The following PRTG variants were observed in gnomAD, a reference collection of about 807,000 sequenced individuals.
PRTG encodes immunoglobulin superfamily, DCC subclass, member 5.
In PRTG, 67 loss-of-function variants were observed where a neutral mutation model predicts 122.5. That is an observed-to-expected ratio of 0.55 (90% CI 0.45 to 0.67). The LOEUF (loss-of-function observed/expected upper bound fraction) is 0.67. PRTG is among the 30% of genes least tolerant of loss of function. The pLI is 0.00. For synonymous variants in PRTG, 554 were observed against 501.1 expected, an observed-to-expected ratio of 1.11 and a Z score of -1.41; for missense variants, 1,435 against 1,415.4, an observed-to-expected ratio of 1.01 and a Z score of -0.22.
intron 11 of PRTG, among the ~76,000 whole-genome samples, chr15:55,671,093 T>G (rs148361775): frequency 3.3e-5 from 5 of 152,330 alleles, no homozygotes; most frequent in African/African-American, 1.2e-4. Context: ...GAAAACTGCA[T>G]AGAACCACAG....
At chr15:55,728,595 A>T (rs1290343523) in intron 2 of PRTG, among the ~76,000 whole-genome samples, 1 of 152,200 alleles carries the variant, frequency 6.6e-6, no homozygotes, top group Admixed American at 6.5e-5. Context: ...AGAGAAGGAA[A>T]ATTTCTCAAC....
chr15:55,705,923 C>T (rs796266119), intron 2 of PRTG, among the ~76,000 whole-genome samples: 14 of 149,496 alleles, frequency 9.4e-5, no homozygotes, highest in African/African-American at 3.4e-4. Flanking sequence ...TCTTGGCTCA[C>T]TGCAACCTCC....
Position 55,637,242 on chromosome 15 carries a change from T to C in PRTG, c.2551A>G (p.Thr851Ala). The stretch of plus-strand genomic sequence containing the variant: ...GATGCATATAAGATAGTATAGCGGG[T>C]CACAACTGTTTCTGGGCCATCAGGG... ...KPPDGPETVVTRYTILYASRK... is the reference protein window; with the variant it reads ...KPPDGPETVVARYTILYASRK... Residue 851 changes from threonine (T) to alanine (A), a missense_variant, in exon 15 of 20, where the codon ACC (threonine) becomes GCC (alanine). Coordinates refer to ENST00000389286, the MANE Select transcript of PRTG (RefSeq NM_173814.6). The C allele has an allele frequency of 6.2e-7, 1 of 1,614,010 alleles. No individual in the cohort carries two copies. Among genetic ancestry groups the C allele is most frequent in the Non-Finnish European group, 8.5e-7 (1 of 1,179,966 alleles).
intron 11 of PRTG, among the ~76,000 whole-genome samples, chr15:55,645,846 T>G (rs1278955637): frequency 6.6e-6 from 1 of 152,066 alleles, no homozygotes; most frequent in Non-Finnish European, 1.5e-5. Context: ...ATGTGGTTTT[T>G]GGGGGAAAAC....
rs1021602357 is a variant in PRTG, at chr15:55,627,142, C to T, written c.2807-14G>A. The T allele has an allele frequency of 6.4e-7, 1 of 1,551,072 alleles. No individual in the cohort carries two copies. Among genetic ancestry groups the T allele is most frequent in the African/African-American group, 1.4e-5 (1 of 72,696 alleles). On this transcript the variant is annotated splice_polypyrimidine_tract_variant and intron_variant, in intron 16 of 19. Transcript: ENST00000389286. ...ATCCTGAATAAACTAGAAGGGAAAA[C>T]ACATTTACTCAGAATCAATCAGAAA...
intron 11 of PRTG, among the ~76,000 whole-genome samples, chr15:55,651,417 G>A (rs1050982566): frequency 3.3e-5 from 5 of 152,102 alleles, no homozygotes; most frequent in Admixed American, 6.5e-5. Context: ...TTTGATCATT[G>A]CTTTACTCTT....
chr15:55,675,518 C>T lies in PRTG; in HGVS notation c.1546+1G>A. The stretch of plus-strand genomic sequence containing the variant: ...AATGATCTAGAATCATGTTTTCTTA[C>T]CATCCTCTAGAGTATTCTGTGTCAC... On this transcript the variant is annotated splice_donor_variant, in intron 9 of 19. Transcript: ENST00000389286. LOFTEE classifies it high-confidence loss of function. 6.3e-7 allele frequency: 1 copy of T among 1,598,410 alleles called. No homozygotes were observed. The highest frequency in any genetic ancestry group is 8.5e-7 in the Non-Finnish European group (1 of 1,170,260).
intron 2 of PRTG, among the ~76,000 whole-genome samples, chr15:55,704,203 C>T (rs1418106963): frequency 6.6e-6 from 1 of 152,162 alleles, no homozygotes; most frequent in Non-Finnish European, 1.5e-5. Flanking sequence ...GTTGTCATTC[C>T]ATAAAGAATT....
intron 2 of PRTG, among the ~76,000 whole-genome samples, chr15:55,725,033 G>C (rs1451181678): frequency 6.6e-6 from 1 of 152,136 alleles, no homozygotes; most frequent in Non-Finnish European, 1.5e-5. Context: ...CAGCAGTATT[G>C]TATTTTTGGT....
intron 2 of PRTG, among the ~76,000 whole-genome samples, chr15:55,732,493 CTTTTTT>C (rs35478271): frequency 1.5e-5 from 2 of 130,326 alleles, no homozygotes; most frequent in Admixed American, 1.6e-4. Context: ...CCAGGGTAAA[CTTTTTT>C]TTTTTTTTTT....
chr15:55,682,936 C>T (rs1203273810), intron 3 of PRTG, among the ~76,000 whole-genome samples: 2 of 152,138 alleles, frequency 1.3e-5, no homozygotes, highest in African/African-American at 2.4e-5. Flanking sequence ...ACAAGCAATA[C>T]TTTAAAGACC....
intron 11 of PRTG, among the ~76,000 whole-genome samples, chr15:55,663,788 C>G (rs868732685): frequency 2.6e-5 from 4 of 152,122 alleles, no homozygotes; most frequent in African/African-American, 9.7e-5. Context: ...GTGATCCACC[C>G]GCCTCGGCCT....
chr15:55,726,203 G>A (rs1403577287), intron 2 of PRTG, among the ~76,000 whole-genome samples: 1 of 152,072 alleles, frequency 6.6e-6, no homozygotes, highest in Non-Finnish European at 1.5e-5. Context: ...GCCTCCCGAA[G>A]TGCTGAGATT....
intron 2 of PRTG, among the ~76,000 whole-genome samples, chr15:55,725,220 A>C (rs1193999532): frequency 6.6e-6 from 1 of 152,214 alleles, no homozygotes; most frequent in Non-Finnish European, 1.5e-5. Context: ...TTCAAACTAG[A>C]TTGTTACAAA....
chr15:55,722,946 T>C (rs1289307059), intron 2 of PRTG, among the ~76,000 whole-genome samples: 1 of 152,134 alleles, frequency 6.6e-6, no homozygotes, highest in Non-Finnish European at 1.5e-5. Flanking sequence ...AAAAAGTCAG[T>C]AGAAAAACCG....
intron 2 of PRTG, among the ~76,000 whole-genome samples, chr15:55,714,390 G>A (rs148371077): frequency 5.4e-5 from 8 of 147,140 alleles, no homozygotes; most frequent in African/African-American, 2.0e-4. Context: ...CCACCCCCCC[G>A]CTAGTTTTAA....
chr15:55,620,217 G>T lies in PRTG; in HGVS notation c.3248C>A (p.Thr1083Asn). 1 of 1,614,198 alleles carries T rather than the reference G, an allele frequency of 6.2e-7. No individual in the cohort carries two copies. Among genetic ancestry groups the T allele is most frequent in the Non-Finnish European group, 8.5e-7 (1 of 1,180,016 alleles). ...PAVCFYQPGTTVLISDEDSPS... is the reference protein window; with the variant it reads ...PAVCFYQPGTNVLISDEDSPS... ...GGAGTCTTCATCACTGATTAATACA[G>T]TGGTGCCTGGCTGGTAAAAGCAGAC... The change falls in exon 20 of 20, where the codon ACT (threonine) becomes AAT (asparagine). Residue 1083 changes from threonine to asparagine, a missense_variant. Coordinates refer to ENST00000389286, the MANE Select transcript of PRTG (RefSeq NM_173814.6).
At position 55,615,320 on chromosome 15, in the gene PRTG, T is replaced by C. The variant is rs1030919892; in HGVS notation, c.*4692A>G. The stretch of plus-strand genomic sequence containing the variant: ...TTTTAAGCCACCACCTTCATGGTAA[T>C]GTGTTACAGCAGCAATAGGAAAAAT... On this transcript the variant is annotated 3_prime_UTR_variant, in exon 20 of 20. Transcript: ENST00000389286. 2 of 152,126 alleles carry C rather than the reference T, an allele frequency of 1.3e-5. No individual in the cohort carries two copies. The highest frequency in any genetic ancestry group is 6.6e-5 in the Admixed American group (1 of 15,262). The allele number at this position is 152,126 out of a possible 1,614,324, so 9.4% of individuals were successfully genotyped here.
At chr15:55,646,117 C>T (rs986132517) in intron 11 of PRTG, among the ~76,000 whole-genome samples, 1 of 151,970 alleles carries the variant, frequency 6.6e-6, no homozygotes, top group Non-Finnish European at 1.5e-5. Flanking sequence ...AGCAATTCCC[C>T]TGCCCCAGCC....
Sources: gnomAD v4.1 joint callset for allele counts (sites outside exome capture counted in the v4.1 genomes callset) on GRCh38, gnomAD v4.1.1 for gene constraint, MANE v1.5 for transcripts, NCBI Gene and HGNC (gene_info 2026-07-23, HGNC 2026-07-21) for gene names.